The following IMMP2L variants were observed in gnomAD, a reference collection of about 807,000 sequenced individuals.
IMMP2L encodes inner mitochondrial membrane peptidase subunit 2.
IMMP2L carries 18 observed loss-of-function variants against 19.3 expected under a neutral mutation model. The observed-to-expected ratio is 0.93, with a 90% CI of 0.64 to 1.38. The LOEUF is 1.38. Ranked by LOEUF, IMMP2L falls within the 40% of genes most tolerant of loss-of-function variation. The probability of loss-of-function intolerance (pLI) is 0.00; values close to 1 mark genes in which losing one functional copy is unlikely to be tolerated. For synonymous variants in IMMP2L, 76 were observed against 73.0 expected (o/e 1.04, Z -0.21); for missense variants, 233 against 218.2 (o/e 1.07, Z -0.43).
At chr7:111,034,641 G>T (rs1028187463) in intron 3 of IMMP2L, among the ~76,000 whole-genome samples, 9 of 152,170 alleles carry the variant, frequency 5.9e-5, no homozygotes, top group Admixed American at 5.2e-4. Flanking sequence ...AATATCTAGG[G>T]ATTAAGTTTG....
chr7:110,990,407 C>T (rs570220909), intron 3 of IMMP2L, among the ~76,000 whole-genome samples: 1 of 152,116 alleles, frequency 6.6e-6, no homozygotes, highest in Non-Finnish European at 1.5e-5. Context: ...CATTTTTATA[C>T]CAACATTTAT....
chr7:111,226,673 T>C (rs1236864299), intron 3 of IMMP2L, among the ~76,000 whole-genome samples: 1 of 152,084 alleles, frequency 6.6e-6, no homozygotes, highest in African/African-American at 2.4e-5. Flanking sequence ...AACATAATTA[T>C]AGCTAATTGT....
intron 5 of IMMP2L, among the ~76,000 whole-genome samples, chr7:110,772,754 T>C (rs373790262): frequency 9.2e-5 from 14 of 152,118 alleles, no homozygotes; most frequent in African/African-American, 3.1e-4. Context: ...CCCACTCAAG[T>C]CATTTGTAAG....
chr7:111,439,030 A>C (rs1837460409), intron 3 of IMMP2L, among the ~76,000 whole-genome samples: 1 of 151,894 alleles, frequency 6.6e-6, no homozygotes, highest in African/African-American at 2.4e-5. Context: ...TGTGGACACA[A>C]TGTGAAATCA....
intron 3 of IMMP2L, among the ~76,000 whole-genome samples, chr7:111,079,029 ATT>A (rs1046067087): frequency 6.6e-6 from 1 of 152,072 alleles, no homozygotes; most frequent in Non-Finnish European, 1.5e-5. Flanking sequence ...TTAAATAAAC[ATT>A]TTAAAAGCCA....
chr7:111,484,340 G>C (rs74941948), intron 3 of IMMP2L, among the ~76,000 whole-genome samples: 13,794 of 152,072 alleles, frequency 0.091, 774 homozygotes, highest in African/African-American at 0.14. Flanking sequence ...TTCCAGAAAA[G>C]CACACATAAT....
At chr7:111,455,568 C>A (rs1839609980) in intron 3 of IMMP2L, among the ~76,000 whole-genome samples, 1 of 150,460 alleles carries the variant, frequency 6.6e-6, no homozygotes, top group East Asian at 2.0e-4. Context: ...ATCCAAAGCA[C>A]CATCATTATA....
intron 3 of IMMP2L, among the ~76,000 whole-genome samples, chr7:111,146,059 G>C (rs1562851683): frequency 6.6e-6 from 1 of 152,086 alleles, no homozygotes; most frequent in Non-Finnish European, 1.5e-5. Flanking sequence ...AATGAATTCA[G>C]AGGAATATAA....
intron 3 of IMMP2L, among the ~76,000 whole-genome samples, chr7:111,393,482 A>G (rs1436859061): frequency 6.6e-6 from 1 of 151,988 alleles, no homozygotes; most frequent in Non-Finnish European, 1.5e-5. Context: ...AACACTGCAT[A>G]TTTTCAATTA....
chr7:111,271,793 C>T (rs535899513), intron 3 of IMMP2L, among the ~76,000 whole-genome samples: 1 of 152,242 alleles, frequency 6.6e-6, no homozygotes, highest in South Asian at 2.1e-4. Flanking sequence ...CCCTACATTA[C>T]CTAAAACCTA....
At chr7:111,019,099 A>G (rs1414728704) in intron 3 of IMMP2L, among the ~76,000 whole-genome samples, 1 of 152,136 alleles carries the variant, frequency 6.6e-6, no homozygotes, top group Non-Finnish European at 1.5e-5. Context: ...AGAGATTACT[A>G]TCTTTATATT....
At chr7:110,732,240 T>A (rs2130822536) in intron 5 of IMMP2L, among the ~76,000 whole-genome samples, 1 of 152,312 alleles carries the variant, frequency 6.6e-6, no homozygotes, top group East Asian at 1.9e-4. Flanking sequence ...CTAATACTCC[T>A]CAGGTAATAA....
intron 2 of IMMP2L, among the ~76,000 whole-genome samples, chr7:111,516,377 G>A (rs1361612999): frequency 1.3e-5 from 2 of 151,454 alleles, no homozygotes; most frequent in African/African-American, 4.9e-5. Context: ...GGGAGGAGGA[G>A]GAAGAGAGAG....
At chr7:111,413,330 AAAG>A (rs1313167853) in intron 3 of IMMP2L, among the ~76,000 whole-genome samples, 13 of 152,164 alleles carry the variant, frequency 8.5e-5, no homozygotes, top group Non-Finnish European at 1.5e-4. Flanking sequence ...GAAAAGAAAA[AAAG>A]AAGAAATACT....
intron 3 of IMMP2L, among the ~76,000 whole-genome samples, chr7:111,104,848 G>A (rs1052584343): frequency 6.6e-6 from 1 of 151,748 alleles, no homozygotes. Context: ...GAACGAGAGG[G>A]TCATGGCTTC....
intron 4 of IMMP2L, among the ~76,000 whole-genome samples, chr7:110,897,221 C>A (rs1434900878): frequency 6.6e-6 from 1 of 151,960 alleles, no homozygotes; most frequent in Non-Finnish European, 1.5e-5. Flanking sequence ...AAATGTGCCA[C>A]AAATACAGAA....
rs147079248 is a variant in IMMP2L, at chr7:111,343,666, G to A, written c.239+143572C>T. The stretch of plus-strand genomic sequence containing the variant: ...AACTCAGTATCTTTTTAATACATGA[G>A]TGAAAGATATCAATGCCAGCCCCAT... On this transcript the variant is annotated intron_variant, in intron 3 of 5. Transcript: ENST00000405709. Among the ~76,000 whole-genome samples the A allele has an allele frequency of 5.9e-4, 89 of 152,116 alleles. 1 individual carries two copies. Among genetic ancestry groups the A allele is most frequent in the African/African-American group, 2.0e-3 (83 of 41,460 alleles).
intron 3 of IMMP2L, among the ~76,000 whole-genome samples, chr7:111,320,790 A>G (rs1380994675): frequency 6.6e-6 from 1 of 152,036 alleles, no homozygotes; most frequent in Non-Finnish European, 1.5e-5. Context: ...CAGGTGACAC[A>G]TCTGTGTGCT....
At chr7:110,745,989 G>A (rs1419584604) in intron 5 of IMMP2L, among the ~76,000 whole-genome samples, 1 of 152,126 alleles carries the variant, frequency 6.6e-6, no homozygotes, top group African/African-American at 2.4e-5. Context: ...CCAATGGTGT[G>A]CTGTATTCAG....
Sources: allele counts gnomAD v4.1 joint callset (sites outside exome capture counted in the v4.1 genomes callset), GRCh38; gene constraint gnomAD v4.1.1; transcripts MANE v1.5; gene names NCBI Gene and HGNC (gene_info 2026-07-23, HGNC 2026-07-21).